ARSG: variants seen among roughly 807,000 people sequenced by gnomAD.
The protein encoded by ARSG is ASG.
In ARSG, 37 loss-of-function variants were observed where a neutral mutation model predicts 50.5. The observed-to-expected ratio is 0.73, with a 90% CI of 0.56 to 0.96. The LOEUF (loss-of-function observed/expected upper bound fraction) is 0.96. Among genes scored for constraint, ARSG ranks in the 50% least tolerant of loss-of-function variants. ARSG has a pLI of 0.00. For synonymous variants in ARSG, 225 were observed against 254.6 expected, an observed-to-expected ratio of 0.88 and a Z score of 1.11; for missense variants, 629 against 675.3, an observed-to-expected ratio of 0.93 and a Z score of 0.76.
chr17:68,276,887 T>G (rs2075541127), intron 1 of ARSG, among the ~76,000 whole-genome samples: 1 of 152,182 alleles, frequency 6.6e-6, no homozygotes, highest in African/African-American at 2.4e-5. Context: ...AAGTGAAGAT[T>G]AGTATGTTAA....
the ARSG span, among the ~76,000 whole-genome samples, chr17:68,447,801 G>A: frequency 6.6e-6 from 1 of 151,874 alleles, no homozygotes; most frequent in Non-Finnish European, 1.5e-5. Context: ...GAACATCCTG[G>A]CTAACATGGT....
chr17:68,288,941 C>T (rs1223510642), upstream of ARSG, among the ~76,000 whole-genome samples: 2 of 152,148 alleles, frequency 1.3e-5, no homozygotes, highest in African/African-American at 4.8e-5. Context: ...TGGGGGTTCC[C>T]GGCAGCCATC....
At chr17:68,396,667 T>C (rs1600085847) in intron 10 of ARSG, among the ~76,000 whole-genome samples, 2 of 152,148 alleles carry the variant, frequency 1.3e-5, no homozygotes. Flanking sequence ...CTGTGGCTGG[T>C]AGTTACCAAA....
the ARSG span, among the ~76,000 whole-genome samples, chr17:68,429,658 G>T: frequency 6.6e-6 from 1 of 151,930 alleles, no homozygotes; most frequent in Non-Finnish European, 1.5e-5. Context: ...GCATGATCTC[G>T]GCTCACTGCA....
the ARSG span, chr17:68,428,228 G>GT: frequency 0.14 from 18,718 of 135,790 alleles, 1,570 homozygotes; most frequent in East Asian, 0.35. Context: ...CAGGGAATAG[G>GT]TTTTTTTTTT....
chr17:68,370,357 T>G, intron 7 of ARSG, 87 bp from the exon 8 acceptor site: 1 of 1,184,030 alleles, frequency 8.4e-7, no homozygotes, highest in Non-Finnish European at 1.2e-6. Flanking sequence ...GTTCCTGCTC[T>G]GCGCAAGGGA....
intron 1 of ARSG, among the ~76,000 whole-genome samples, chr17:68,283,317 A>G (rs544076553): frequency 1.3e-5 from 2 of 151,452 alleles, no homozygotes; most frequent in African/African-American, 4.8e-5. Flanking sequence ...TCAGGAGATC[A>G]AGACCATTCT....
the ARSG span, among the ~76,000 whole-genome samples, chr17:68,438,008 T>C: frequency 6.9e-6 from 1 of 145,938 alleles, no homozygotes; most frequent in Non-Finnish European, 1.5e-5. Context: ...GTATATTAAG[T>C]GGGTTTCTTC....
rs1031132805 is a variant in ARSG, at chr17:68,357,126, C to T, written c.704+322C>T. ...GCTCCTCAAGGGTAGGGCCTGCCCA[C>T]TGCACTCTGGGCACTCAAGGCATTT... On this transcript the variant is annotated intron_variant, in intron 6 of 11. Coordinates refer to ENST00000621439, the MANE Select transcript of ARSG (RefSeq NM_001267727.2). 2.6e-5 allele frequency among the ~76,000 whole-genome samples: 4 copies of T among 152,354 alleles called. No homozygotes were observed. In the East Asian group the frequency reaches 7.7e-4, roughly 29 times the overall value.
intron 2 of ARSG, 83 bp from the exon 3 acceptor site, chr17:68,343,521 C>T: frequency 7.7e-7 from 1 of 1,301,944 alleles, no homozygotes; most frequent in South Asian, 1.5e-5. Flanking sequence ...ACTGAAATTG[C>T]AGGAACTGAG....
chr17:68,437,032 GTGTGTATA>G, the ARSG span, among the ~76,000 whole-genome samples: 1 of 150,772 alleles, frequency 6.6e-6, no homozygotes, highest in African/African-American at 2.4e-5. Context: ...GTGTGTGTGT[GTGTGTATA>G]TATTGCTCAT....
intron 4 of ARSG, among the ~76,000 whole-genome samples, chr17:68,348,581 C>G (rs2078615146): frequency 6.6e-6 from 1 of 152,100 alleles, no homozygotes; most frequent in Non-Finnish European, 1.5e-5. Context: ...GTCCTGGTTC[C>G]CCGTCTCACT....
At position 68,311,800 on chromosome 17, in the gene ARSG, C is replaced by CTTT. The variant is rs36097952; in HGVS notation, c.218+4107_218+4109dup. ...CAGACTTTTAGCCTCCTGTACTGTACTTTTTTTTTTTTTTTTTTTTGACGG... is the reference window on the plus strand; with the variant it reads ...CAGACTTTTAGCCTCCTGTACTGTACTTTTTTTTTTTTTTTTTTTTTTTGACGG... On this transcript the variant is annotated intron_variant, in intron 2 of 11. Transcript: ENST00000621439. 1.8e-4 allele frequency among the ~76,000 whole-genome samples: 21 copies of CTTT among 116,368 alleles called. 1 individual carries two copies. The highest frequency in any genetic ancestry group is 2.6e-4 in the African/African-American group (8 of 30,662). The allele number at this position is 116,368 out of a possible 152,430, so 76.3% of individuals were successfully genotyped here.
upstream of ARSG, among the ~76,000 whole-genome samples, chr17:68,290,779 A>G (rs2075959601): frequency 6.6e-6 from 1 of 151,968 alleles, no homozygotes; most frequent in Non-Finnish European, 1.5e-5. Flanking sequence ...GGAGCCCCCA[A>G]CCCGGGGCAG....
intron 3 of ARSG, chr17:68,346,753 G>A: frequency 7.7e-7 from 1 of 1,290,354 alleles, no homozygotes; most frequent in Non-Finnish European, 1.0e-6. Flanking sequence ...CTGCACCCTG[G>A]GCCTCCTGGT....
intron 1 of ARSG, chr17:68,274,510 G>A (rs1306902409): frequency 6.5e-6 from 1 of 153,054 alleles, no homozygotes; most frequent in African/African-American, 2.4e-5. Flanking sequence ...TGCAAAGTCA[G>A]TGCAGGAATT....
intron 8 of ARSG, among the ~76,000 whole-genome samples, chr17:68,376,423 T>G (rs972013847): frequency 6.6e-6 from 1 of 151,814 alleles, no homozygotes. Flanking sequence ...ACCACAGGCA[T>G]GCACCACCAT....
intron 6 of ARSG, 101 bp from the exon 7 acceptor site, chr17:68,368,447 G>T: frequency 3.7e-6 from 4 of 1,091,798 alleles, no homozygotes; most frequent in Non-Finnish European, 5.4e-6. Flanking sequence ...TGGGGCAGAA[G>T]GAGCTTTGGG....
intron 1 of ARSG, among the ~76,000 whole-genome samples, chr17:68,302,159 C>T (rs920347601): frequency 4.6e-5 from 7 of 152,060 alleles, no homozygotes; most frequent in African/African-American, 1.2e-4. Context: ...GAGTTGCTTC[C>T]GACAACACGT....
Sources: gnomAD v4.1 joint callset for allele counts (sites outside exome capture counted in the v4.1 genomes callset) on GRCh38, gnomAD v4.1.1 for gene constraint, MANE v1.5 for transcripts, NCBI Gene and HGNC (gene_info 2026-07-23, HGNC 2026-07-21) for gene names.